The following ANK3 variants were observed in gnomAD, a reference collection of about 807,000 sequenced individuals.
The protein encoded by ANK3 is ankyrin 3, also known as ankyrin-3.
ANK3 carries 57 observed loss-of-function variants against 370.9 expected under a neutral mutation model. The observed-to-expected ratio is 0.15, with a 90% CI of 0.12 to 0.19. ANK3 has a LOEUF of 0.19. Among genes scored for constraint, ANK3 ranks in the 10% least tolerant of loss-of-function variants. ANK3 has a pLI of 1.00. For missense variants in ANK3, 4,439 were observed against 5,302.1 expected (o/e 0.84, Z 5.06); for synonymous variants, 1,929 against 1,946.3 (o/e 0.99, Z 0.23).
At chr10:60,494,067 T>C (rs1428992287) in intron 2 of ANK3, among the ~76,000 whole-genome samples, 3 of 152,158 alleles carry the variant, frequency 2.0e-5, no homozygotes, top group African/African-American at 7.2e-5. Flanking sequence ...TCTTTGTTTA[T>C]AGAAACAGAA....
chr10:60,370,869 T>A (rs2060014503), intron 1 of ANK3, among the ~76,000 whole-genome samples: 1 of 152,154 alleles, frequency 6.6e-6, no homozygotes, highest in Non-Finnish European at 1.5e-5. Flanking sequence ...ATTTCTTACT[T>A]TGCAAACATA....
intron 42 of ANK3, among the ~76,000 whole-genome samples, chr10:60,045,625 G>A (rs1049506477): frequency 1.3e-5 from 2 of 152,190 alleles, no homozygotes; most frequent in African/African-American, 4.8e-5. Context: ...AGGTGAAATG[G>A]ATAATGCTGC....
At chr10:60,291,599 C>G (rs536061942) in intron 1 of ANK3, among the ~76,000 whole-genome samples, 1 of 152,052 alleles carries the variant, frequency 6.6e-6, no homozygotes, top group Non-Finnish European at 1.5e-5. Context: ...GCTTCCACTG[C>G]TAATGGTAAG....
chr10:60,091,457 G>A (rs928071220), intron 28 of ANK3, among the ~76,000 whole-genome samples: 11 of 174 alleles, frequency 0.063, no homozygotes, highest in African/African-American at 0.17. Context: ...GGGGATAAAG[G>A]GGGTAGATAC....
intron 2 of ANK3, among the ~76,000 whole-genome samples, chr10:60,612,459 G>A (rs935034791): frequency 9.9e-5 from 15 of 151,918 alleles, no homozygotes; most frequent in African/African-American, 2.7e-4. Flanking sequence ...TGCCTCACTC[G>A]GTATTTTGTT....
chr10:60,620,068 CA>C (rs1393067992), intron 1 of ANK3, among the ~76,000 whole-genome samples: 2 of 152,284 alleles, frequency 1.3e-5, no homozygotes, highest in Admixed American at 6.5e-5. Context: ...AATATTACTA[CA>C]AATGCTAAAT....
In ANK3 at chr10:60,091,640, G is replaced by A. The variant is rs183575649; in HGVS notation, c.3329-3282C>T. Among the ~76,000 whole-genome samples the A allele has an allele frequency of 8.1e-4, 123 of 152,292 alleles. 1 individual carries two copies. The highest frequency in any genetic ancestry group is 2.9e-3 in the African/African-American group (121 of 41,562). On this transcript the variant is annotated intron_variant, in intron 28 of 43. Transcript: ENST00000280772. ...GAGCCAGACAAAGAGCGACTGCCCTGTATAACCTGCGGAAATTGCTGTACA... is the reference window on the plus strand; with the variant it reads ...GAGCCAGACAAAGAGCGACTGCCCTATATAACCTGCGGAAATTGCTGTACA...
chr10:60,287,428 T>C (rs2040269221), intron 1 of ANK3, among the ~76,000 whole-genome samples: 1 of 152,138 alleles, frequency 6.6e-6, no homozygotes, highest in Non-Finnish European at 1.5e-5. Flanking sequence ...TTGGCACTAG[T>C]TACTCTGCTG....
chr10:60,335,566 C>A (rs1419902502), intron 1 of ANK3, among the ~76,000 whole-genome samples: 1 of 152,048 alleles, frequency 6.6e-6, no homozygotes, highest in Admixed American at 6.6e-5. Context: ...CAAACCAGGG[C>A]AAGACATCAA....
chr10:60,076,101 C>T lies in ANK3; in HGVS notation c.4780G>A (p.Val1594Ile). Residue 1594 changes from valine to isoleucine, a missense_variant, in exon 37 of 44, where the codon GTT becomes ATT. Around this residue, in one of 13 missense-constraint regions of ANK3, gnomAD observed 679 missense variants for 791.0 expected, o/e 0.86. Transcript: ENST00000280772. Reference protein sequence around the residue: ...VVSQSPYNIQVSSGTLARAPA... With the variant: ...VVSQSPYNIQISSGTLARAPA... ...GCTCTAGCCAGGGTACCAGAGGAAA[C>T]TTGGATATTGTATGGAGATTGTGAC... 1 of 1,614,160 alleles carries T rather than the reference C, an allele frequency of 6.2e-7. No homozygotes were observed. Among genetic ancestry groups the T allele is most frequent in the East Asian group, 2.2e-5 (1 of 44,890 alleles).
At chr10:60,093,031 C>T (rs936482823) in intron 28 of ANK3, among the ~76,000 whole-genome samples, 20 of 152,186 alleles carry the variant, frequency 1.3e-4, no homozygotes, top group Admixed American at 2.6e-4. Flanking sequence ...CCACTGCACC[C>T]GGCCAGAATT....
At chr10:60,480,957 A>G (rs529616881) in intron 2 of ANK3, among the ~76,000 whole-genome samples, 8 of 152,188 alleles carry the variant, frequency 5.3e-5, no homozygotes, top group Non-Finnish European at 1.0e-4. Flanking sequence ...TGTTAGGATC[A>G]GTTTTCATGA....
chr10:60,475,182 A>G (rs1399032417), intron 2 of ANK3, among the ~76,000 whole-genome samples: 1 of 152,038 alleles, frequency 6.6e-6, no homozygotes, highest in African/African-American at 2.4e-5. Flanking sequence ...ATGCTGAATG[A>G]AAACAAAGCA....
At chr10:60,492,718 AAAAAAAGAAAGAAAGAAAG>A (rs1198321633) in intron 2 of ANK3, among the ~76,000 whole-genome samples, 22 of 143,766 alleles carry the variant, frequency 1.5e-4, no homozygotes, top group African/African-American at 5.8e-4. Flanking sequence ...AAAAAAAAAA[AAAAAAAGAAAGAAAGAAAG>A]AAAAAAAAAA....
At chr10:60,693,194 G>A (rs866503083) in intron 1 of ANK3, among the ~76,000 whole-genome samples, 1 of 152,228 alleles carries the variant, frequency 6.6e-6, no homozygotes, top group Non-Finnish European at 1.5e-5. Flanking sequence ...GCACTTTTCT[G>A]ATGGGCTTAA....
chr10:60,712,095 C>T (rs1268224964), intron 1 of ANK3, among the ~76,000 whole-genome samples: 1 of 152,176 alleles, frequency 6.6e-6, no homozygotes, highest in Non-Finnish European at 1.5e-5. Context: ...CCTGTAGTTC[C>T]AGCTATTCAG....
At chr10:60,588,298 C>T (rs1042314791) in intron 2 of ANK3, among the ~76,000 whole-genome samples, 37 of 129,888 alleles carry the variant, frequency 2.8e-4, no homozygotes, top group African/African-American at 9.6e-4. Flanking sequence ...AATTCTTCTG[C>T]CCCAGCCTCC....
chr10:60,375,407 T>C (rs1480029771), intron 1 of ANK3, among the ~76,000 whole-genome samples: 1 of 152,156 alleles, frequency 6.6e-6, no homozygotes, highest in Non-Finnish European at 1.5e-5. Flanking sequence ...GATGAATTTC[T>C]TCCAAGTGGT....
chr10:60,101,986 G>A (rs952086463), intron 28 of ANK3, among the ~76,000 whole-genome samples: 2 of 152,012 alleles, frequency 1.3e-5, no homozygotes, highest in Admixed American at 6.6e-5. Context: ...ACAACTAGGT[G>A]TGGAGTCAGA....
Sources: gnomAD v4.1 joint callset for allele counts (sites outside exome capture counted in the v4.1 genomes callset) on GRCh38, gnomAD v4.1.1 for gene constraint, gnomAD v4.1.1 regional missense constraint, MANE v1.5 for transcripts, NCBI Gene and HGNC (gene_info 2026-07-23, HGNC 2026-07-21) for gene names.